Variants in RFX4 observed in about 807,000 individuals in gnomAD.
RFX4 encodes transcription factor RFX4.
A neutral mutation model predicts 95.0 loss-of-function variants in RFX4; 10 were observed. The observed-to-expected ratio is 0.11, with a 90% CI of 0.06 to 0.18. RFX4 has a LOEUF of 0.18. Ranked by LOEUF, RFX4 falls within the 10% of genes least tolerant of loss-of-function variation. The pLI is 1.00. For missense variants in RFX4, 640 were observed against 922.0 expected (o/e 0.69, Z 3.96); for synonymous variants, 321 against 340.7 (o/e 0.94, Z 0.64).
intron 5 of RFX4, among the ~76,000 whole-genome samples, chr12:106,685,098 G>A (rs977103386): frequency 5.3e-5 from 8 of 152,106 alleles, no homozygotes; most frequent in Non-Finnish European, 7.4e-5. Flanking sequence ...CGAGGTCCAC[G>A]GATGACCTAA....
chr12:106,658,295 T>C (rs1028527519), intron 4 of RFX4, among the ~76,000 whole-genome samples: 1 of 152,200 alleles, frequency 6.6e-6, no homozygotes, highest in African/African-American at 2.4e-5. Flanking sequence ...GAGGTACACA[T>C]GGAAACTAGC....
At chr12:106,664,657 T>C (rs547472808) in intron 4 of RFX4, among the ~76,000 whole-genome samples, 6 of 152,002 alleles carry the variant, frequency 3.9e-5, no homozygotes, top group Admixed American at 6.6e-5. Context: ...TGATTTTATA[T>C]CTTTTCCAAT....
At chr12:106,620,837 C>T (rs1366477191) in intron 2 of RFX4, among the ~76,000 whole-genome samples, 2 of 151,958 alleles carry the variant, frequency 1.3e-5, no homozygotes, top group South Asian at 2.1e-4. Flanking sequence ...TATAGACCAC[C>T]CCCCAGGAAT....
At chr12:106,642,116 T>G (rs1372350425) in intron 3 of RFX4, among the ~76,000 whole-genome samples, 1 of 151,978 alleles carries the variant, frequency 6.6e-6, no homozygotes, top group Non-Finnish European at 1.5e-5. Flanking sequence ...GTTCAAGTGA[T>G]TCTCCTGCTT....
At position 106,644,857 on chromosome 12, in the gene RFX4, A is replaced by G. The variant is rs192556650; in HGVS notation, c.191+5465A>G. Among the ~76,000 whole-genome samples, 683 of 152,338 alleles carry G rather than the reference A, an allele frequency of 4.5e-3. 3 individuals carry two copies. Among genetic ancestry groups the G allele is most frequent in the African/African-American group, 0.016 (660 of 41,580 alleles). On this transcript the variant is annotated intron_variant, in intron 3 of 17. Coordinates refer to ENST00000392842, the MANE Select transcript of RFX4 (RefSeq NM_213594.3). ...CATGCTGTGCCCTCTCTCCAGCGGC[A>G]GTGGCCAGCCCCTGAGGACAGAGAG... is the stretch of plus-strand genomic sequence containing the variant.
intron 2 of RFX4, among the ~76,000 whole-genome samples, chr12:106,636,320 G>A (rs2040509455): frequency 6.6e-6 from 1 of 151,424 alleles, no homozygotes; most frequent in South Asian, 2.1e-4. Flanking sequence ...AACCTGGGAG[G>A]TGGATGTTGC....
intron 13 of RFX4, among the ~76,000 whole-genome samples, chr12:106,726,021 C>T (rs1448517240): frequency 6.6e-6 from 1 of 151,872 alleles, no homozygotes; most frequent in Non-Finnish European, 1.5e-5. Flanking sequence ...ATGAGGCGGG[C>T]AGGCAGATCA....
intron 7 of RFX4, among the ~76,000 whole-genome samples, chr12:106,694,972 G>A (rs1012167032): frequency 3.3e-5 from 5 of 152,034 alleles, no homozygotes; most frequent in Non-Finnish European, 5.9e-5. Context: ...AGGAGGCGGA[G>A]GTTGCAGTGA....
At chr12:106,645,721 C>T (rs1258249721) in intron 3 of RFX4, among the ~76,000 whole-genome samples, 1 of 152,322 alleles carries the variant, frequency 6.6e-6, no homozygotes, top group East Asian at 1.9e-4. Context: ...AGATCAGACT[C>T]ATTGGATGTA....
At chr12:106,746,858 C>G (rs7958475) in intron 15 of RFX4, among the ~76,000 whole-genome samples, 1 of 152,176 alleles carries the variant, frequency 6.6e-6, no homozygotes. Context: ...TTTTCCTTCT[C>G]GCCCTCCCTT....
At chr12:106,594,676 T>G (rs1192171544) in intron 1 of RFX4, among the ~76,000 whole-genome samples, 1 of 151,938 alleles carries the variant, frequency 6.6e-6, no homozygotes, top group Non-Finnish European at 1.5e-5. Context: ...GGCTGAGCCT[T>G]GAGCGCCGCT....
intron 2 of RFX4, among the ~76,000 whole-genome samples, chr12:106,620,271 A>G (rs1029089814): frequency 6.6e-6 from 1 of 152,168 alleles, no homozygotes; most frequent in African/African-American, 2.4e-5. Flanking sequence ...CACCCCCAAT[A>G]TTTCAACGTA....
In RFX4 at chr12:106,583,100, C is replaced by T; in HGVS notation, c.-221C>T. 1 of 434,820 alleles carries T rather than the reference C, an allele frequency of 2.3e-6. No individual in the cohort carries two copies. The highest frequency in any genetic ancestry group is 4.0e-6 in the Non-Finnish European group (1 of 251,212). The allele number at this position is 434,820 out of a possible 1,614,324, so 26.9% of individuals were successfully genotyped here. A position where few individuals can be genotyped will look rare whatever the true frequency, so the allele number is the denominator to read the frequency against. On this transcript the variant is annotated 5_prime_UTR_variant, in exon 1 of 18. Coordinates refer to ENST00000392842, the MANE Select transcript of RFX4 (RefSeq NM_213594.3). ...CTCTCCCCCTTCTCCGAGCTCGCTC[C>T]CTTCTCTCCCTCTCTCTCCTCTTTT...
At chr12:106,676,444 C>A (rs1001196987) in intron 4 of RFX4, among the ~76,000 whole-genome samples, 1 of 152,166 alleles carries the variant, frequency 6.6e-6, no homozygotes, top group East Asian at 1.9e-4. Context: ...GTCAGGTGAC[C>A]GTGGAGAATT....
intron 15 of RFX4, among the ~76,000 whole-genome samples, chr12:106,734,532 G>A (rs893707198): frequency 6.6e-6 from 1 of 151,508 alleles, no homozygotes; most frequent in Non-Finnish European, 1.5e-5. Flanking sequence ...GGAGGTGGAG[G>A]TTGCAGTGAG....
rs58283896 is a variant in RFX4 at position 106,714,068 on chromosome 12, C to CAAAAAA, written c.994-1314_994-1309dup. Among the ~76,000 whole-genome samples the CAAAAAA allele has an allele frequency of 4.3e-4, 13 of 30,478 alleles. 1 individual carries two copies. Among genetic ancestry groups the CAAAAAA allele is most frequent in the African/African-American group, 7.7e-4 (5 of 6,476 alleles). The allele number at this position is 30,478 out of a possible 152,430, so 20.0% of individuals were successfully genotyped here. ...GGGCAACAAGAGTGAAACTCCATCT[C>CAAAAAA]AAAAAAAAAAAAAAAAAAAAAAAGC... On this transcript the variant is annotated intron_variant, in intron 10 of 17. Transcript: ENST00000392842.
In RFX4 at chr12:106,668,552, G is replaced by A. The variant is rs993929014; in HGVS notation, c.316-13441G>A. Among the ~76,000 whole-genome samples, 4 of 152,116 alleles carry A rather than the reference G, an allele frequency of 2.6e-5. No homozygotes were observed. The South Asian group carries it at 6.2e-4, about 24-fold the overall frequency. ...TCGAGTCCAGCCTGGGCAACACAGCGAGAGCCCCTCTTAAAAAAATTTTTT... is the reference window on the plus strand; with the variant it reads ...TCGAGTCCAGCCTGGGCAACACAGCAAGAGCCCCTCTTAAAAAAATTTTTT... On this transcript the variant is annotated intron_variant, in intron 4 of 17. Coordinates refer to ENST00000392842, the MANE Select transcript of RFX4 (RefSeq NM_213594.3).
chr12:106,681,575 T>C (rs769406525), intron 4 of RFX4, among the ~76,000 whole-genome samples: 14 of 152,186 alleles, frequency 9.2e-5, no homozygotes, highest in Non-Finnish European at 1.8e-4. Flanking sequence ...CCAGTGTGGC[T>C]GGGATCTGGT....
chr12:106,732,914 C>CT lies in RFX4; in HGVS notation c.1472-9dup. On this transcript the variant is annotated splice_polypyrimidine_tract_variant and intron_variant, in intron 14 of 17. Coordinates refer to ENST00000392842, the MANE Select transcript of RFX4 (RefSeq NM_213594.3). ...TTGGTTTTAAAAACTTACCCTATCTCTATCCACAGCAGAAGTCCGAGAAGA... is the reference window on the plus strand; with the variant it reads ...TTGGTTTTAAAAACTTACCCTATCTCTTATCCACAGCAGAAGTCCGAGAAGA... The CT allele has an allele frequency of 6.2e-7, 1 of 1,612,300 alleles. No individual in the cohort carries two copies. Among genetic ancestry groups the CT allele is most frequent in the Non-Finnish European group, 8.5e-7 (1 of 1,178,622 alleles).
Sources: gnomAD v4.1 joint callset for allele counts (sites outside exome capture counted in the v4.1 genomes callset) on GRCh38, gnomAD v4.1.1 for gene constraint, MANE v1.5 for transcripts, NCBI Gene and HGNC (gene_info 2026-07-23, HGNC 2026-07-21) for gene names.